FBLN5: variants seen among roughly 807,000 people sequenced by gnomAD.
The protein encoded by FBLN5 is fibulin-5.
Under a neutral mutation model 61.6 loss-of-function variants are expected in FBLN5, and 24 were observed. The observed-to-expected ratio is 0.39, with a 90% CI of 0.28 to 0.55. The LOEUF (loss-of-function observed/expected upper bound fraction) is 0.55. Among genes scored for constraint, FBLN5 ranks in the 20% least tolerant of loss-of-function variants. The pLI is 0.65. For missense variants in FBLN5, 470 were observed against 594.1 expected, an observed-to-expected ratio of 0.79 and a Z score of 2.17; for synonymous variants, 213 against 219.8, an observed-to-expected ratio of 0.97 and a Z score of 0.27.
intron 2 of FBLN5, 101 bp from the exon 3 acceptor site, chr14:91,940,717 G>A (rs1268755235): frequency 5.1e-6 from 5 of 975,422 alleles, no homozygotes; most frequent in Non-Finnish European, 8.1e-6. Context: ...AAAAAAGAAA[G>A]GCCTCCAAAA....
chr14:91,902,771 G>T (rs1489022041), intron 4 of FBLN5, among the ~76,000 whole-genome samples: 1 of 152,154 alleles, frequency 6.6e-6, no homozygotes, highest in African/African-American at 2.4e-5. Context: ...CATGCAGCCT[G>T]CTCAGAGTTT....
At chr14:91,884,481 T>C (rs1016645553) in intron 7 of FBLN5, among the ~76,000 whole-genome samples, 15 of 152,242 alleles carry the variant, frequency 9.9e-5, no homozygotes, top group African/African-American at 3.6e-4. Flanking sequence ...GTGGGTTAAA[T>C]GCTTTACATG....
intron 4 of FBLN5, among the ~76,000 whole-genome samples, chr14:91,902,544 A>G (rs968173461): frequency 9.2e-5 from 14 of 152,168 alleles, no homozygotes; most frequent in Non-Finnish European, 1.9e-4. Flanking sequence ...AATGAATCCA[A>G]TGCAAAACTG....
intron 4 of FBLN5, among the ~76,000 whole-genome samples, chr14:91,900,875 C>T (rs1890422091): frequency 6.6e-6 from 1 of 152,196 alleles, no homozygotes; most frequent in South Asian, 2.1e-4. Flanking sequence ...CCTGCAGATG[C>T]TGTTCTAGAA....
intron 4 of FBLN5, among the ~76,000 whole-genome samples, chr14:91,900,171 C>T (rs1890394654): frequency 6.6e-6 from 1 of 152,212 alleles, no homozygotes; most frequent in African/African-American, 2.4e-5. Flanking sequence ...TCACACAACC[C>T]ACTTTTCTAT....
chr14:91,946,654 A>C, intron 1 of FBLN5: 1 of 1,361,864 alleles, frequency 7.3e-7, no homozygotes, highest in African/African-American at 1.4e-5. Context: ...TCCAAGACTT[A>C]AGGATTACTT....
intron 4 of FBLN5, among the ~76,000 whole-genome samples, chr14:91,899,819 G>A (rs964957054): frequency 1.3e-5 from 2 of 152,196 alleles, no homozygotes; most frequent in East Asian, 1.9e-4. Flanking sequence ...TGTTTTAAAG[G>A]AGTAAAAGAA....
intron 9 of FBLN5, among the ~76,000 whole-genome samples, chr14:91,880,566 G>A (rs557436225): frequency 6.9e-6 from 1 of 145,390 alleles, no homozygotes; most frequent in East Asian, 2.0e-4. Flanking sequence ...TGTGTGTTTT[G>A]AGACAGAGTC....
chr14:91,939,451 T>C (rs2056072805), intron 3 of FBLN5, among the ~76,000 whole-genome samples: 1 of 151,786 alleles, frequency 6.6e-6, no homozygotes, highest in Non-Finnish European at 1.5e-5. Context: ...ACCATTCTCC[T>C]GCCTCAGCTT....
intron 4 of FBLN5, among the ~76,000 whole-genome samples, chr14:91,902,821 T>C (rs1484259000): frequency 6.6e-6 from 1 of 152,146 alleles, no homozygotes; most frequent in Admixed American, 6.5e-5. Context: ...CTGCAATATT[T>C]AAGAGAGTCT....
chr14:91,937,849 AAAAC>A (rs899947001), intron 3 of FBLN5, among the ~76,000 whole-genome samples: 1 of 152,224 alleles, frequency 6.6e-6, no homozygotes, highest in African/African-American at 2.4e-5. Context: ...AGAACGGACT[AAAAC>A]AAACCTGTAC....
intron 3 of FBLN5, among the ~76,000 whole-genome samples, chr14:91,937,528 G>T (rs2056039526): frequency 6.6e-6 from 1 of 152,140 alleles, no homozygotes; most frequent in Non-Finnish European, 1.5e-5. Context: ...TTTAAGAGGT[G>T]ATTGGATCCT....
intron 4 of FBLN5, among the ~76,000 whole-genome samples, chr14:91,923,948 C>T (rs1051761800): frequency 6.6e-6 from 1 of 152,224 alleles, no homozygotes; most frequent in East Asian, 1.9e-4. Context: ...TACCTACGTT[C>T]GTTGCCATCC....
At chr14:91,901,918 C>T (rs1890467359) in intron 4 of FBLN5, among the ~76,000 whole-genome samples, 1 of 152,228 alleles carries the variant, frequency 6.6e-6, no homozygotes, top group African/African-American at 2.4e-5. Context: ...AGGTCCCAAC[C>T]TCTCCATGGA....
intron 5 of FBLN5, 115 bp from the exon 6 acceptor site, chr14:91,891,452 G>C (rs1014168919): frequency 5.1e-6 from 4 of 780,676 alleles, no homozygotes; most frequent in Non-Finnish European, 9.3e-6. Context: ...GAAGCAAATG[G>C]GAACAGGAGC....
intron 4 of FBLN5, among the ~76,000 whole-genome samples, chr14:91,910,917 G>A (rs1391064831): frequency 6.6e-6 from 1 of 152,120 alleles, no homozygotes; most frequent in East Asian, 1.9e-4. Context: ...GACAACACAG[G>A]CAAGTGGGAA....
intron 4 of FBLN5, among the ~76,000 whole-genome samples, chr14:91,923,373 T>G (rs2055773526): frequency 1.3e-5 from 2 of 152,240 alleles, no homozygotes; most frequent in South Asian, 4.1e-4. Context: ...AGTGCCAACC[T>G]TCTAAGCCTC....
chr14:91,893,528 GT>G (rs1890084451), intron 5 of FBLN5, among the ~76,000 whole-genome samples: 1 of 152,184 alleles, frequency 6.6e-6, no homozygotes. Flanking sequence ...GTTTGGATCT[GT>G]TTCTCAACTC....
intron 4 of FBLN5, among the ~76,000 whole-genome samples, chr14:91,931,255 G>A (rs1367890327): frequency 1.3e-5 from 2 of 152,140 alleles, no homozygotes; most frequent in Non-Finnish European, 2.9e-5. Flanking sequence ...CTCATCAGAG[G>A]CCGTCTTGAA....
Sources: gnomAD v4.1 joint callset for allele counts (sites outside exome capture counted in the v4.1 genomes callset) on GRCh38, gnomAD v4.1.1 for gene constraint, MANE v1.5 for transcripts, NCBI Gene and HGNC (gene_info 2026-07-23, HGNC 2026-07-21) for gene names.